The following PCDH9 variants were observed in gnomAD, a reference collection of about 807,000 sequenced individuals.
PCDH9 encodes protocadherin-9.
A neutral mutation model predicts 70.6 loss-of-function variants in PCDH9; 24 were observed. The observed-to-expected ratio is 0.34, with a 90% CI of 0.25 to 0.48. The LOEUF (loss-of-function observed/expected upper bound fraction) is 0.48. Among genes scored for constraint, PCDH9 ranks in the 20% least tolerant of loss-of-function variants. PCDH9 has a pLI of 0.99. For missense variants in PCDH9, 1,281 were observed against 1,503.6 expected, an observed-to-expected ratio of 0.85 and a Z score of 2.45; for synonymous variants, 562 against 558.5, an observed-to-expected ratio of 1.01 and a Z score of -0.09.
chr13:66,929,428 A>G (rs1172678555), intron 2 of PCDH9, among the ~76,000 whole-genome samples: 1 of 151,962 alleles, frequency 6.6e-6, no homozygotes, highest in East Asian at 1.9e-4. Flanking sequence ...GGTTCAAGCA[A>G]TTCTTCTGCC....
intron 2 of PCDH9, among the ~76,000 whole-genome samples, chr13:66,915,890 A>C (rs1449592875): frequency 6.6e-6 from 1 of 151,618 alleles, no homozygotes; most frequent in Non-Finnish European, 1.5e-5. Context: ...CGTAGCACAG[A>C]AACTGTGAGC....
Position 66,304,446 on chromosome 13 carries a change from A to C in PCDH9, c.*209T>G. 1 of 535,964 alleles carries C rather than the reference A, an allele frequency of 1.9e-6. No homozygotes were observed. Among genetic ancestry groups the C allele is most frequent in the Non-Finnish European group, 3.3e-6 (1 of 301,938 alleles). The allele number at this position is 535,964 out of a possible 1,614,324, so 33.2% of individuals were successfully genotyped here. A position where few individuals can be genotyped will look rare whatever the true frequency, so the allele number is the denominator to read the frequency against. Reference sequence around the variant, plus strand: ...CAATGGAGAGATCTCTGGAGAGTGTAATCAATTCTAGTAAACAAAATTGCA... The same window carrying C: ...CAATGGAGAGATCTCTGGAGAGTGTCATCAATTCTAGTAAACAAAATTGCA... On this transcript the variant is annotated 3_prime_UTR_variant, in exon 5 of 5. Transcript: ENST00000377865.
chr13:67,133,496 A>C (rs114554259), intron 2 of PCDH9, among the ~76,000 whole-genome samples: 4 of 152,130 alleles, frequency 2.6e-5, no homozygotes, highest in Non-Finnish European at 5.9e-5. Flanking sequence ...TACATAATAT[A>C]GGATGCTTTA....
intron 4 of PCDH9, among the ~76,000 whole-genome samples, chr13:66,360,014 G>A (rs1235612558): frequency 6.6e-6 from 1 of 151,962 alleles, no homozygotes; most frequent in East Asian, 1.9e-4. Context: ...GGTTAGCTCC[G>A]TGCAAAGGTG....
At chr13:66,661,141 T>C (rs1435085020) in intron 3 of PCDH9, among the ~76,000 whole-genome samples, 8 of 152,228 alleles carry the variant, frequency 5.3e-5, no homozygotes. Flanking sequence ...GCAATAGCCA[T>C]AATTATGCTG....
At chr13:67,009,789 G>GA (rs1555296772) in intron 2 of PCDH9, among the ~76,000 whole-genome samples, 1 of 150,368 alleles carries the variant, frequency 6.7e-6, no homozygotes, top group African/African-American at 2.4e-5. Flanking sequence ...ATTTAGTTAA[G>GA]TTTTTTTTTG....
chr13:67,135,456 C>A (rs1291921604), intron 2 of PCDH9, among the ~76,000 whole-genome samples: 2 of 152,030 alleles, frequency 1.3e-5, no homozygotes, highest in Non-Finnish European at 2.9e-5. Context: ...ATAAGCATTT[C>A]TTTTCTTTTT....
chr13:66,832,590 C>G (rs1018957885), intron 3 of PCDH9, among the ~76,000 whole-genome samples: 2 of 152,032 alleles, frequency 1.3e-5, no homozygotes, highest in African/African-American at 4.8e-5. Flanking sequence ...AATCGTTATC[C>G]ATTTACAACC....
intron 3 of PCDH9, among the ~76,000 whole-genome samples, chr13:66,787,123 A>T (rs114928342): frequency 0.019 from 2,847 of 152,246 alleles, 85 homozygotes; most frequent in African/African-American, 0.065. Flanking sequence ...GTCTGCACTT[A>T]TTTTTGTGTG....
At chr13:66,550,040 A>C (rs994057246) in intron 4 of PCDH9, among the ~76,000 whole-genome samples, 9 of 152,162 alleles carry the variant, frequency 5.9e-5, no homozygotes, top group Admixed American at 5.9e-4. Flanking sequence ...AAGAGCAATC[A>C]TAATTTTTAA....
Position 66,631,261 on chromosome 13 carries a change from C to A in PCDH9, c.3289G>T (p.Ala1097Ser), listed in dbSNP as rs1164836962. The change falls in exon 4 of 5, where the codon GCC (alanine) becomes TCC (serine). Residue 1097 changes from alanine (A) to serine (S), a missense_variant. Ala to Ser is a moderately conservative substitution (Grantham distance 99). Around this residue, in one of 4 missense-constraint regions of PCDH9, gnomAD observed 264 missense variants for 278.8 expected, o/e 0.95. Coordinates refer to ENST00000377865, the MANE Select transcript of PCDH9 (RefSeq NM_203487.3). ...GCTTCAGTCCTCTTGTCCGGAGAGGCCTGGTCATAGAATTCGTCCTGTGGC... is the reference window on the plus strand; with the variant it reads ...GCTTCAGTCCTCTTGTCCGGAGAGGACTGGTCATAGAATTCGTCCTGTGGC... The part of the protein sequence containing the change: ...VQPQDEFYDQ[A>S]SPDKRTEADG... 6.2e-7 allele frequency: 1 copy of A among 1,610,696 alleles called. No individual in the cohort carries two copies. Among genetic ancestry groups the A allele is most frequent in the South Asian group, 1.1e-5 (1 of 91,040 alleles).
chr13:67,096,167 GAAT>G (rs1024982099), intron 2 of PCDH9, among the ~76,000 whole-genome samples: 1 of 152,140 alleles, frequency 6.6e-6, no homozygotes, highest in Non-Finnish European at 1.5e-5. Context: ...GCCCAGCCAT[GAAT>G]AAAGAAGTAA....
At chr13:66,455,248 C>CAT (rs202190506) in intron 4 of PCDH9, among the ~76,000 whole-genome samples, 320 of 150,820 alleles carry the variant, frequency 2.1e-3, no homozygotes, top group Non-Finnish European at 3.3e-3. Flanking sequence ...AAATATTGAC[C>CAT]ATATATATAT....
intron 2 of PCDH9, chr13:66,996,280 T>TA (rs1338537408): frequency 2.0e-5 from 3 of 152,194 alleles, no homozygotes; most frequent in Admixed American, 6.5e-5. Context: ...GCTTGTATTC[T>TA]AGTGAGTACA....
intron 2 of PCDH9, among the ~76,000 whole-genome samples, chr13:67,166,548 CTG>C (rs1428951973): frequency 1.3e-5 from 2 of 152,118 alleles, no homozygotes; most frequent in Non-Finnish European, 2.9e-5. Flanking sequence ...AATTTGGTAA[CTG>C]TTTCAATTTG....
intron 4 of PCDH9, among the ~76,000 whole-genome samples, chr13:66,600,122 G>C (rs1378339543): frequency 1.3e-5 from 2 of 151,822 alleles, no homozygotes; most frequent in Non-Finnish European, 1.5e-5. Flanking sequence ...ATGCATTCCG[G>C]AAATAGAATT....
intron 2 of PCDH9, among the ~76,000 whole-genome samples, chr13:67,080,970 G>T (rs2138183130): frequency 6.6e-6 from 1 of 152,290 alleles, no homozygotes; most frequent in East Asian, 1.9e-4. Context: ...TGCAAAAAGT[G>T]TAGCAACTTT....
intron 2 of PCDH9, among the ~76,000 whole-genome samples, chr13:66,995,646 G>C (rs1221465311): frequency 6.6e-6 from 1 of 152,118 alleles, no homozygotes; most frequent in Non-Finnish European, 1.5e-5. Flanking sequence ...TATAAAAAAA[G>C]AAAAGAACAT....
At chr13:66,498,245 C>T (rs1439441644) in intron 4 of PCDH9, among the ~76,000 whole-genome samples, 4 of 150,842 alleles carry the variant, frequency 2.7e-5, no homozygotes, top group Admixed American at 6.6e-5. Flanking sequence ...CCCAGGTTCA[C>T]GCCATTCTCC....
Sources: allele counts gnomAD v4.1 joint callset (sites outside exome capture counted in the v4.1 genomes callset), GRCh38; gene constraint gnomAD v4.1.1; regional missense constraint gnomAD v4.1.1; transcripts MANE v1.5; gene names NCBI Gene and HGNC (gene_info 2026-07-23, HGNC 2026-07-21).